The following GBP7 variants were observed in gnomAD, a reference collection of about 807,000 sequenced individuals.
The protein encoded by GBP7 is guanylate binding protein 7.
Under a neutral mutation model 61.3 loss-of-function variants are expected in GBP7, and 43 were observed. That is an observed-to-expected ratio of 0.70 (90% CI 0.55 to 0.91). The LOEUF (loss-of-function observed/expected upper bound fraction) is 0.91. Ranked by LOEUF, GBP7 falls within the 40% of genes least tolerant of loss-of-function variation. The pLI, the probability that GBP7 is intolerant of heterozygous loss-of-function variation, is 0.00. For synonymous variants in GBP7, 267 were observed against 271.0 expected, an observed-to-expected ratio of 0.99 and a Z score of 0.14; for missense variants, 717 against 740.5, an observed-to-expected ratio of 0.97 and a Z score of 0.37.
At chr1:89,160,186 G>A (rs1253678283) in intron 3 of GBP7, among the ~76,000 whole-genome samples, 1 of 152,112 alleles carries the variant, frequency 6.6e-6, no homozygotes, top group Non-Finnish European at 1.5e-5. Flanking sequence ...ACAGGGTGAG[G>A]AACATCACAC....
chr1:89,158,310 T>C (rs949049386), intron 3 of GBP7, among the ~76,000 whole-genome samples: 1 of 152,210 alleles, frequency 6.6e-6, no homozygotes, highest in African/African-American at 2.4e-5. Flanking sequence ...CAAGACGGGA[T>C]GCCCTCTCTC....
chr1:89,157,743 G>T (rs1682349626), intron 3 of GBP7, among the ~76,000 whole-genome samples: 1 of 151,838 alleles, frequency 6.6e-6, no homozygotes, highest in Non-Finnish European at 1.5e-5. Flanking sequence ...AAAAGTCCAG[G>T]ACCAGACAGA....
At chr1:89,156,215 G>C (rs1682312408) in intron 3 of GBP7, among the ~76,000 whole-genome samples, 1 of 152,192 alleles carries the variant, frequency 6.6e-6, no homozygotes, top group African/African-American at 2.4e-5. Context: ...ACTAAACATA[G>C]AAAGGATCAG....
chr1:89,173,900 A>G (rs1647669308), intron 1 of GBP7, among the ~76,000 whole-genome samples: 1 of 152,056 alleles, frequency 6.6e-6, no homozygotes, highest in African/African-American at 2.4e-5. Flanking sequence ...TATTCTTTCT[A>G]CCACATTCCC....
chr1:89,175,426 A>G (rs1354278633), intron 1 of GBP7, among the ~76,000 whole-genome samples: 2 of 152,244 alleles, frequency 1.3e-5, no homozygotes, highest in Non-Finnish European at 2.9e-5. Flanking sequence ...AAAACAGAGT[A>G]TGCGTCTGTC....
chr1:89,152,021 T>G (rs1682213249), intron 5 of GBP7, among the ~76,000 whole-genome samples: 1 of 152,346 alleles, frequency 6.6e-6, no homozygotes, highest in East Asian at 1.9e-4. Flanking sequence ...TCATGGTACT[T>G]ATTGGTCTAA....
At position 89,134,378 on chromosome 1, in the gene GBP7, A is replaced by G. The variant is rs1253628865; in HGVS notation, c.1469-927T>C. On this transcript the variant is annotated intron_variant, in intron 9 of 10. Coordinates refer to ENST00000294671, the MANE Select transcript of GBP7 (RefSeq NM_207398.3). ...ACTGCCCTGCTGCTGCTGCTCACCAATGACCTTGGACCCCACTGCCACTGC... is the reference window on the plus strand; with the variant it reads ...ACTGCCCTGCTGCTGCTGCTCACCAGTGACCTTGGACCCCACTGCCACTGC... Among the ~76,000 whole-genome samples the G allele has an allele frequency of 3.9e-5, 6 of 152,146 alleles. No individual in the cohort carries two copies. In the East Asian group the frequency reaches 9.6e-4, roughly 24 times the overall value.
chr1:89,141,296 G>T (rs1243988478), intron 9 of GBP7, among the ~76,000 whole-genome samples: 1 of 152,076 alleles, frequency 6.6e-6, no homozygotes, highest in Non-Finnish European at 1.5e-5. Context: ...AAGCACCAAG[G>T]TGGGGAATTG....
chr1:89,170,398 T>C (rs1647566210), intron 2 of GBP7, among the ~76,000 whole-genome samples: 1 of 152,084 alleles, frequency 6.6e-6, no homozygotes, highest in African/African-American at 2.4e-5. Context: ...ATGCTGAAAA[T>C]GTGGAATTGA....
chr1:89,158,305 CG>C lies in GBP7; in HGVS notation c.319-5529del, dbSNP rs1486276138. The stretch of plus-strand genomic sequence containing the variant: ...ATTCCCTTTGAAAAGTGGCACAAGA[CG>C]GGATGCCCTCTCTCACCACTCCTAT... On this transcript the variant is annotated intron_variant, in intron 3 of 10. Coordinates refer to ENST00000294671, the MANE Select transcript of GBP7 (RefSeq NM_207398.3). Among the ~76,000 whole-genome samples the C allele has an allele frequency of 3.3e-5, 5 of 151,704 alleles. No homozygotes were observed. In the East Asian group the frequency reaches 7.7e-4, roughly 23 times the overall value.
chr1:89,168,860 T>A (rs980218276), intron 2 of GBP7, among the ~76,000 whole-genome samples: 2 of 151,880 alleles, frequency 1.3e-5, no homozygotes, highest in African/African-American at 4.8e-5. Context: ...TCCCAGCTAC[T>A]CAGAAGGCTG....
chr1:89,142,253 G>T (rs1322241877), intron 8 of GBP7, among the ~76,000 whole-genome samples: 1 of 152,110 alleles, frequency 6.6e-6, no homozygotes, highest in East Asian at 1.9e-4. Context: ...AAATTGAACA[G>T]TTGAGAAACT....
intron 8 of GBP7, among the ~76,000 whole-genome samples, chr1:89,144,240 G>T (rs945475937): frequency 6.6e-6 from 1 of 152,060 alleles, no homozygotes; most frequent in Non-Finnish European, 1.5e-5. Flanking sequence ...GTGTCTCAAG[G>T]TGTATATGCA....
chr1:89,140,683 CA>C (rs1681918657), intron 9 of GBP7, among the ~76,000 whole-genome samples: 1 of 152,108 alleles, frequency 6.6e-6, no homozygotes, highest in Non-Finnish European at 1.5e-5. Context: ...TTTGACCCAC[CA>C]ATCCCATTAC....
chr1:89,157,192 C>G (rs918209649), intron 3 of GBP7, among the ~76,000 whole-genome samples: 1 of 152,132 alleles, frequency 6.6e-6, no homozygotes, highest in African/African-American at 2.4e-5. Context: ...ATCTCTGGGA[C>G]ACATTTAAAG....
intron 2 of GBP7, among the ~76,000 whole-genome samples, chr1:89,168,263 T>C (rs1557465794): frequency 6.6e-6 from 1 of 152,182 alleles, no homozygotes; most frequent in Non-Finnish European, 1.5e-5. Flanking sequence ...ACTAGATAAG[T>C]ATTTATAAAA....
intron 6 of GBP7, among the ~76,000 whole-genome samples, chr1:89,149,897 G>A (rs561129760): frequency 5.9e-5 from 9 of 151,926 alleles, no homozygotes; most frequent in African/African-American, 1.2e-4. Flanking sequence ...ATTTAAAAGC[G>A]TTTATTCAGC....
At position 89,161,829 on chromosome 1, in the gene GBP7, C is replaced by T. The variant is rs12064135; in HGVS notation, c.318+2902G>A. On this transcript the variant is annotated intron_variant, in intron 3 of 10. Coordinates refer to ENST00000294671, the MANE Select transcript of GBP7 (RefSeq NM_207398.3). ...ACTATAGCTTTTTTGGTGTCTTCAT[C>T]GTGACATCTTTGCCCATGCCTATGT... Among the ~76,000 whole-genome samples the T allele has an allele frequency of 2.6e-3, 402 of 152,166 alleles. 4 individuals are homozygous for T. The highest frequency in any genetic ancestry group is 9.4e-3 in the African/African-American group (390 of 41,526).
intron 3 of GBP7, among the ~76,000 whole-genome samples, chr1:89,160,232 G>A (rs983219986): frequency 1.3e-5 from 2 of 152,074 alleles, no homozygotes; most frequent in East Asian, 1.9e-4. Flanking sequence ...GAGTGTGGAG[G>A]GATAGCATTA....
Sources: gnomAD v4.1 joint callset for allele counts (sites outside exome capture counted in the v4.1 genomes callset) on GRCh38, gnomAD v4.1.1 for gene constraint, MANE v1.5 for transcripts, NCBI Gene and HGNC (gene_info 2026-07-23, HGNC 2026-07-21) for gene names.